Variants in NRXN3 observed in about 807,000 individuals in gnomAD.
The protein encoded by NRXN3 is neurexin III.
Under a neutral mutation model 137.6 loss-of-function variants are expected in NRXN3, and 32 were observed. The ratio of observed to expected loss-of-function variants is 0.23; its 90% CI spans 0.18 to 0.31. The LOEUF (loss-of-function observed/expected upper bound fraction) is 0.31, where lower values mean the gene tolerates loss of function less well. Ranked by LOEUF, NRXN3 falls within the 10% of genes least tolerant of loss-of-function variation. NRXN3 has a pLI of 1.00. For missense variants in NRXN3, 1,574 were observed against 2,062.5 expected (o/e 0.76, Z 4.59); for synonymous variants, 798 against 784.5 (o/e 1.02, Z -0.29).
rs1192739925 is a variant in NRXN3 at position 79,861,304 on chromosome 14, T to A, written c.4094-38T>A. 6.5e-7 allele frequency: 1 copy of A among 1,536,124 alleles called. No homozygotes were observed. ...TTGACTCTAACCTGCCCCCTACTGA[T>A]GATGAAGATTTTTACACCACCTTCT... On this transcript the variant is annotated intron_variant, in intron 20 of 20. Transcript: ENST00000335750. This position sits in a 1 kb window ranked among gnomAD's most constrained non-coding sequence, Gnocchi z 5.4.
At chr14:79,193,789 TAA>T (rs1190050943) in intron 15 of NRXN3, among the ~76,000 whole-genome samples, 4 of 152,152 alleles carry the variant, frequency 2.6e-5, no homozygotes, top group East Asian at 3.9e-4. Flanking sequence ...CCTACATGAG[TAA>T]AGTGTTTTCT....
At position 79,548,841 on chromosome 14, in the gene NRXN3, CA is replaced by C. The variant is rs1263610945; in HGVS notation, c.3444+81444del. On this transcript the variant is annotated intron_variant, in intron 16 of 20. Transcript: ENST00000335750. ...GAAACAAAGAGATGTCTACTAAAGGCAAAAATGCCAATGTCGTGCTTCCTGA... is the reference window on the plus strand; with the variant it reads ...GAAACAAAGAGATGTCTACTAAAGGCAAAATGCCAATGTCGTGCTTCCTGA... 7.2e-5 allele frequency among the ~76,000 whole-genome samples: 11 copies of C among 151,900 alleles called. No homozygotes were observed. In the East Asian group the frequency reaches 2.1e-3, roughly 30 times the overall value.
At chr14:79,243,813 T>C (rs1413430695) in intron 15 of NRXN3, among the ~76,000 whole-genome samples, 1 of 152,134 alleles carries the variant, frequency 6.6e-6, no homozygotes, top group Non-Finnish European at 1.5e-5. Flanking sequence ...ACCATGATCA[T>C]ATATGCAGTT....
intron 15 of NRXN3, among the ~76,000 whole-genome samples, chr14:79,275,929 A>G (rs535430983): frequency 4.6e-5 from 7 of 152,282 alleles, no homozygotes; most frequent in Non-Finnish European, 1.0e-4. Context: ...ATATTTTTCA[A>G]CTTGAAATCT....
intron 15 of NRXN3, among the ~76,000 whole-genome samples, chr14:79,392,103 C>T (rs141102402): frequency 0.019 from 2,888 of 152,252 alleles, 48 homozygotes; most frequent in Non-Finnish European, 0.029. Context: ...ATCAACCCAT[C>T]ATCTACATGA....
rs1001735754 is a variant in NRXN3 at position 79,338,585 on chromosome 14, C to T, written c.3263-128636C>T. 3.3e-5 allele frequency among the ~76,000 whole-genome samples: 5 copies of T among 152,010 alleles called. No homozygotes were observed. In the East Asian group the frequency reaches 5.8e-4, roughly 18 times the overall value. On this transcript the variant is annotated intron_variant, in intron 15 of 20. Coordinates refer to ENST00000335750, the MANE Select transcript of NRXN3 (RefSeq NM_001330195.2). ...ATCCACTGTCAGCCCATTAGATAAC[C>T]TTTAAAATGGGAATAAAGTAGTGCT...
intron 20 of NRXN3, among the ~76,000 whole-genome samples, chr14:79,818,569 C>T (rs1173635984): frequency 1.3e-5 from 2 of 152,262 alleles, no homozygotes; most frequent in East Asian, 3.9e-4. Flanking sequence ...AAAACAACAA[C>T]AACAACAAAA....
chr14:79,779,602 CTT>C (rs1603484842), intron 19 of NRXN3, among the ~76,000 whole-genome samples: 1 of 152,140 alleles, frequency 6.6e-6, no homozygotes, highest in Non-Finnish European at 1.5e-5. Flanking sequence ...GATCAAAAAA[CTT>C]TTCTCTGAGG....
intron 15 of NRXN3, among the ~76,000 whole-genome samples, chr14:79,327,087 TTTC>T (rs1456079120): frequency 1.3e-5 from 2 of 152,326 alleles, no homozygotes; most frequent in African/African-American, 4.8e-5. Context: ...CGCTCCCTTC[TTTC>T]TTCTTTCTTT....
At chr14:78,869,902 A>G (rs2099097147) in intron 10 of NRXN3, among the ~76,000 whole-genome samples, 1 of 152,214 alleles carries the variant, frequency 6.6e-6, no homozygotes, top group Non-Finnish European at 1.5e-5. Context: ...TCAACTCTGT[A>G]TATAGCATGA....
intron 2 of NRXN3, among the ~76,000 whole-genome samples, chr14:78,278,115 C>T (rs74498609): frequency 1.3e-5 from 2 of 152,086 alleles, no homozygotes; most frequent in South Asian, 4.2e-4. Flanking sequence ...GTCCTTCAGT[C>T]CTATGTGGTG....
intron 15 of NRXN3, among the ~76,000 whole-genome samples, chr14:79,304,413 C>T (rs774690994): frequency 6.6e-6 from 1 of 151,970 alleles, no homozygotes; most frequent in Non-Finnish European, 1.5e-5. Context: ...AAAAAGTGAC[C>T]TGTGTTAAAA....
chr14:79,013,725 A>G (rs1409288356), intron 15 of NRXN3, among the ~76,000 whole-genome samples: 1 of 152,220 alleles, frequency 6.6e-6, no homozygotes, highest in Non-Finnish European at 1.5e-5. Context: ...ATCTATAAGT[A>G]GCCACTTTAC....
intron 1 of NRXN3, among the ~76,000 whole-genome samples, chr14:78,235,941 G>A (rs2066239294): frequency 6.6e-6 from 1 of 152,240 alleles, no homozygotes; most frequent in African/African-American, 2.4e-5. Context: ...AAGCATGGTG[G>A]ATATTTGCCC....
At chr14:78,994,911 A>G (rs993183417) in intron 15 of NRXN3, among the ~76,000 whole-genome samples, 4 of 152,192 alleles carry the variant, frequency 2.6e-5, no homozygotes, top group Non-Finnish European at 5.9e-5. Flanking sequence ...CCAAATTCTT[A>G]AGAAAATATT....
intron 15 of NRXN3, among the ~76,000 whole-genome samples, chr14:79,418,989 T>G (rs1159966323): frequency 6.6e-6 from 1 of 152,204 alleles, no homozygotes; most frequent in East Asian, 1.9e-4. Flanking sequence ...GAGAAGATTG[T>G]CTGCAGTAGG....
At chr14:78,448,827 A>G (rs987541360) in intron 4 of NRXN3, among the ~76,000 whole-genome samples, 2 of 152,138 alleles carry the variant, frequency 1.3e-5, no homozygotes, top group African/African-American at 4.8e-5. Context: ...TTTATGATGT[A>G]TAAAGATGAA....
Position 79,772,308 on chromosome 14 carries a change from C to T in NRXN3, c.4015-32804C>T, listed in dbSNP as rs984944655. Among the ~76,000 whole-genome samples, 584 of 151,968 alleles carry T rather than the reference C, an allele frequency of 3.8e-3. 4 individuals carry two copies. The highest frequency in any genetic ancestry group is 0.013 in the African/African-American group (528 of 41,422). On this transcript the variant is annotated intron_variant, in intron 19 of 20. Coordinates refer to ENST00000335750, the MANE Select transcript of NRXN3 (RefSeq NM_001330195.2). ...GTTCATATGGAACCAAAAAAGAGCC[C>T]GCATCACCAAGTCAATCCTAAGCCA...
chr14:79,485,541 C>A (rs916060610), intron 16 of NRXN3, among the ~76,000 whole-genome samples: 2 of 152,150 alleles, frequency 1.3e-5, no homozygotes, highest in Non-Finnish European at 2.9e-5. Flanking sequence ...TTAGCTCTTA[C>A]CACTTCTCCT....
Sources: allele counts gnomAD v4.1 joint callset (sites outside exome capture counted in the v4.1 genomes callset), GRCh38; gene constraint gnomAD v4.1.1; non-coding constraint Gnocchi (gnomAD v3.1); transcripts MANE v1.5; gene names NCBI Gene and HGNC (gene_info 2026-07-23, HGNC 2026-07-21).